MATN2: variants seen among roughly 807,000 people sequenced by gnomAD.
MATN2 encodes the protein matrilin-2.
In MATN2, 69 loss-of-function variants were observed where a neutral mutation model predicts 103.2. The observed-to-expected ratio is 0.67, with a 90% CI of 0.55 to 0.82. MATN2 has a LOEUF of 0.82. MATN2 is among the 40% of genes least tolerant of loss of function. The pLI is 0.00. For missense variants in MATN2, 1,023 were observed against 1,211.5 expected (o/e 0.84, Z 2.31); for synonymous variants, 429 against 450.2 (o/e 0.95, Z 0.60).
intron 12 of MATN2, among the ~76,000 whole-genome samples, chr8:98,019,798 C>T (rs369196737): frequency 1.3e-5 from 2 of 152,312 alleles, no homozygotes; most frequent in South Asian, 2.1e-4. Context: ...GCAAAATAAC[C>T]CTTTTTCAAT....
At chr8:97,921,965 C>G (rs1470044440) in intron 2 of MATN2, among the ~76,000 whole-genome samples, 4 of 152,214 alleles carry the variant, frequency 2.6e-5, no homozygotes, top group African/African-American at 9.6e-5. Flanking sequence ...AGCTCCACCT[C>G]CTGTGAGATC....
intron 2 of MATN2, among the ~76,000 whole-genome samples, chr8:97,918,581 T>A (rs1187214206): frequency 1.3e-5 from 2 of 152,184 alleles, no homozygotes; most frequent in African/African-American, 4.8e-5. Flanking sequence ...AGCAGATGAA[T>A]CACTGGGGCC....
chr8:97,993,488 A>G (rs1396963615), intron 6 of MATN2, among the ~76,000 whole-genome samples: 1 of 143,770 alleles, frequency 7.0e-6, no homozygotes, highest in Non-Finnish European at 1.5e-5. Flanking sequence ...TACAAAAAAT[A>G]CAAAAAAAAG....
At chr8:97,961,133 C>T (rs769053184) in intron 4 of MATN2, among the ~76,000 whole-genome samples, 1 of 152,148 alleles carries the variant, frequency 6.6e-6, no homozygotes, top group Admixed American at 6.5e-5. Flanking sequence ...TTTTTATATA[C>T]ATGCAGAAAC....
intron 10 of MATN2, among the ~76,000 whole-genome samples, chr8:98,009,930 C>T (rs1037080745): frequency 2.6e-5 from 4 of 152,342 alleles, no homozygotes; most frequent in Admixed American, 2.6e-4. Flanking sequence ...CAGAGGCCAA[C>T]ATGAAATGAC....
chr8:98,029,421 A>G (rs1469892781), intron 14 of MATN2, among the ~76,000 whole-genome samples: 1 of 152,176 alleles, frequency 6.6e-6, no homozygotes, highest in Non-Finnish European at 1.5e-5. Context: ...GCTCCACTCA[A>G]ATGTCTCTAC....
intron 4 of MATN2, among the ~76,000 whole-genome samples, chr8:97,948,645 CA>C (rs35447815): frequency 1.3e-5 from 2 of 152,040 alleles, no homozygotes; most frequent in Non-Finnish European, 2.9e-5. Flanking sequence ...CTGCCATGTG[CA>C]AAAAAGCAAG....
intron 2 of MATN2, among the ~76,000 whole-genome samples, chr8:97,925,224 G>A (rs1246957350): frequency 6.6e-6 from 1 of 152,196 alleles, no homozygotes; most frequent in East Asian, 1.9e-4. Flanking sequence ...ACTCAGTAGT[G>A]TATGAATGGT....
chr8:97,973,267 A>C (rs576491111), intron 5 of MATN2, among the ~76,000 whole-genome samples: 1 of 152,174 alleles, frequency 6.6e-6, no homozygotes, highest in Non-Finnish European at 1.5e-5. Context: ...GAATGCGTGA[A>C]TCCTGCCTTG....
intron 4 of MATN2, chr8:97,951,113 C>T (rs1810936539): frequency 6.6e-6 from 1 of 152,390 alleles, no homozygotes; most frequent in Non-Finnish European, 1.5e-5. Context: ...TGTGGCTGAG[C>T]TGCTGTGAGC....
At chr8:97,941,314 C>T (rs1314971890) in intron 3 of MATN2, among the ~76,000 whole-genome samples, 6 of 151,822 alleles carry the variant, frequency 4.0e-5, no homozygotes, top group East Asian at 1.9e-4. Context: ...TAAAAATTTA[C>T]GTTACTCTTG....
intron 6 of MATN2, among the ~76,000 whole-genome samples, chr8:97,994,238 G>T (rs1002044920): frequency 2.0e-5 from 3 of 149,996 alleles, no homozygotes; most frequent in African/African-American, 4.9e-5. Flanking sequence ...AGAAGGGGGA[G>T]GAAGGGAAAG....
At chr8:97,958,359 G>A (rs1179966071) in intron 4 of MATN2, among the ~76,000 whole-genome samples, 4 of 152,304 alleles carry the variant, frequency 2.6e-5, no homozygotes, top group South Asian at 4.1e-4. Context: ...CAGCATGCTG[G>A]AGCGTCACCT....
In MATN2 at chr8:98,034,121, G is replaced by GTGTT. The variant is rs1814147399; in HGVS notation, c.2815+464_2815+467dup. On this transcript the variant is annotated intron_variant, in intron 18 of 18. Transcript: ENST00000254898. ...CACCACAGCCACATATAGATTCAGTGTGTTTAGTTTCTGGAGGACAGGAGT... is the reference window on the plus strand; with the variant it reads ...CACCACAGCCACATATAGATTCAGTGTGTTTGTTTAGTTTCTGGAGGACAGGAGT... 5 of 455,248 alleles carry GTGTT rather than the reference G, an allele frequency of 1.1e-5. 1 individual carries two copies. The highest frequency in any genetic ancestry group is 7.8e-5 in the South Asian group (5 of 64,476). The allele number at this position is 455,248 out of a possible 1,614,324, so 28.2% of individuals were successfully genotyped here. A position where few individuals can be genotyped will look rare whatever the true frequency, so the allele number is the denominator to read the frequency against.
chr8:98,011,782 G>A (rs560104240), intron 10 of MATN2, among the ~76,000 whole-genome samples: 2 of 152,278 alleles, frequency 1.3e-5, no homozygotes, highest in African/African-American at 4.8e-5. Flanking sequence ...CAGGATTGCT[G>A]TCTGTCATCA....
intron 12 of MATN2, 77 bp downstream of exon 12, chr8:98,018,193 A>T: frequency 6.4e-7 from 1 of 1,573,924 alleles, no homozygotes; most frequent in Non-Finnish European, 8.7e-7. Context: ...TAATCCTTAA[A>T]GTCCTCCTTT....
intron 2 of MATN2, among the ~76,000 whole-genome samples, chr8:97,917,201 A>T (rs986488955): frequency 1.3e-5 from 2 of 152,208 alleles, no homozygotes; most frequent in Non-Finnish European, 1.5e-5. Context: ...CATATTTTGC[A>T]TACAAACTTC....
chr8:98,019,872 G>C (rs1813519583), intron 12 of MATN2, among the ~76,000 whole-genome samples: 1 of 152,232 alleles, frequency 6.6e-6, no homozygotes. Flanking sequence ...AGACTCCTTT[G>C]AGATAACTGG....
At chr8:97,997,137 G>A (rs947005209) in intron 7 of MATN2, among the ~76,000 whole-genome samples, 2 of 152,226 alleles carry the variant, frequency 1.3e-5, no homozygotes, top group Admixed American at 6.5e-5. Flanking sequence ...TGCCCAGGTA[G>A]AGCCCTAGGG....
Sources: allele counts gnomAD v4.1 joint callset (sites outside exome capture counted in the v4.1 genomes callset), GRCh38; gene constraint gnomAD v4.1.1; transcripts MANE v1.5; gene names NCBI Gene and HGNC (gene_info 2026-07-23, HGNC 2026-07-21).